Variants in GRM7 observed in about 807,000 individuals in gnomAD.
GRM7 encodes metabotropic glutamate receptor 7.
GRM7 carries 35 observed loss-of-function variants against 84.5 expected under a neutral mutation model. The ratio of observed to expected loss-of-function variants is 0.41; its 90% CI spans 0.32 to 0.55. The LOEUF (loss-of-function observed/expected upper bound fraction) is 0.55. GRM7 is among the 20% of genes least tolerant of loss of function. GRM7 has a pLI of 0.19. For synonymous variants in GRM7, 487 were observed against 455.1 expected, an observed-to-expected ratio of 1.07 and a Z score of -0.89; for missense variants, 1,003 against 1,194.6, an observed-to-expected ratio of 0.84 and a Z score of 2.36.
At chr3:6,996,269 C>T (rs76904369) in intron 1 of GRM7, among the ~76,000 whole-genome samples, 4,287 of 152,136 alleles carry the variant, frequency 0.028, 213 homozygotes, top group African/African-American at 0.097. Flanking sequence ...AGGATGATCT[C>T]GAGGCAGAGA....
At chr3:7,579,451 C>A in intron 8 of GRM7, 94 bp downstream of exon 8, 1 of 699,828 alleles carries the variant, frequency 1.4e-6, no homozygotes, top group South Asian at 2.1e-5. Context: ...TAAGAAGTTT[C>A]GTATATGCAG....
chr3:6,913,470 A>G (rs908957064), intron 1 of GRM7, among the ~76,000 whole-genome samples: 3 of 152,194 alleles, frequency 2.0e-5, no homozygotes, highest in Non-Finnish European at 4.4e-5. Context: ...GAACACTTGG[A>G]TGACAAGAAA....
At chr3:6,881,743 T>C (rs2124963810) in intron 1 of GRM7, among the ~76,000 whole-genome samples, 1 of 152,260 alleles carries the variant, frequency 6.6e-6, no homozygotes, top group African/African-American at 2.4e-5. Flanking sequence ...TCTTATAAAA[T>C]TTCTGGTAGC....
In GRM7 at chr3:7,593,413, C is replaced by T. The variant is rs574125776; in HGVS notation, c.2451+14056C>T. 1.9e-4 allele frequency among the ~76,000 whole-genome samples: 29 copies of T among 152,248 alleles called. No homozygotes were observed. In the South Asian group the frequency reaches 5.4e-3, roughly 28 times the overall value. On this transcript the variant is annotated intron_variant, in intron 8 of 9. Coordinates refer to ENST00000357716, the MANE Select transcript of GRM7 (RefSeq NM_000844.4). The stretch of plus-strand genomic sequence containing the variant: ...GATGGAAAGGGGAACAAGACAAATT[C>T]GTTGCCCTCATGGAAATCACATTCT...
intron 9 of GRM7, 52 bp downstream of exon 9, chr3:7,680,347 A>G (rs1700315507): frequency 6.3e-7 from 1 of 1,589,056 alleles, no homozygotes; most frequent in African/African-American, 1.3e-5. Context: ...AGGAAGCTCT[A>G]GAAGATGTGG....
intron 5 of GRM7, among the ~76,000 whole-genome samples, chr3:7,452,401 A>G (rs1575356790): frequency 6.6e-6 from 1 of 152,208 alleles, no homozygotes; most frequent in South Asian, 2.1e-4. Flanking sequence ...ACTACAAGCT[A>G]TTAGAGAAAC....
chr3:7,295,827 TG>T (rs139759346), intron 2 of GRM7, among the ~76,000 whole-genome samples: 5,306 of 150,846 alleles, frequency 0.035, 300 homozygotes, highest in African/African-American at 0.12. Flanking sequence ...AGCTTTTTTT[TG>T]GGGGGGGGAT....
intron 1 of GRM7, among the ~76,000 whole-genome samples, chr3:6,868,005 T>C (rs1411948617): frequency 6.6e-6 from 1 of 152,224 alleles, no homozygotes; most frequent in Non-Finnish European, 1.5e-5. Flanking sequence ...TGTCACATTT[T>C]ATGCAAACCG....
At chr3:6,878,378 C>CATGTGTGTGT (rs58886076) in intron 1 of GRM7, among the ~76,000 whole-genome samples, 1,573 of 142,052 alleles carry the variant, frequency 0.011, 22 homozygotes, top group African/African-American at 0.037. Flanking sequence ...TATGTGTTTG[C>CATGTGTGTGT]GTGTGTGTGT....
At chr3:7,498,321 GACAGTAATTTGGGTTGGGC>G (rs1349201009) in intron 7 of GRM7, among the ~76,000 whole-genome samples, 8 of 152,172 alleles carry the variant, frequency 5.3e-5, no homozygotes, top group African/African-American at 1.7e-4. Context: ...TAGAGTTGGG[GACAGTAATTTGGGTTGGGC>G]ACAGTAATTT....
At chr3:7,680,511 T>G in intron 9 of GRM7, 1 of 552,590 alleles carries the variant, frequency 1.8e-6, no homozygotes, top group Non-Finnish European at 3.2e-6. Flanking sequence ...TTGGAGGCTC[T>G]GCTTCAGAAG....
intron 2 of GRM7, among the ~76,000 whole-genome samples, chr3:7,273,525 A>G (rs1426154960): frequency 6.6e-6 from 1 of 152,050 alleles, no homozygotes; most frequent in African/African-American, 2.4e-5. Context: ...CCTCACATAG[A>G]TTGATACTCT....
chr3:7,034,103 G>A (rs1249957669), intron 1 of GRM7, among the ~76,000 whole-genome samples: 1 of 152,132 alleles, frequency 6.6e-6, no homozygotes, highest in Non-Finnish European at 1.5e-5. Flanking sequence ...ATAGAAATTG[G>A]TCAAGGGTAG....
intron 7 of GRM7, among the ~76,000 whole-genome samples, chr3:7,558,951 T>A (rs1324527925): frequency 6.6e-6 from 1 of 152,110 alleles, no homozygotes; most frequent in Admixed American, 6.6e-5. Context: ...ACCAGCAAAG[T>A]GGCTAATTTT....
At chr3:6,955,636 A>C (rs1265477578) in intron 1 of GRM7, among the ~76,000 whole-genome samples, 1 of 152,034 alleles carries the variant, frequency 6.6e-6, no homozygotes, top group Non-Finnish European at 1.5e-5. Context: ...TGAGGTCAGG[A>C]GTTTGAGACC....
intron 7 of GRM7, among the ~76,000 whole-genome samples, chr3:7,550,417 C>T (rs960889288): frequency 7.5e-6 from 1 of 133,952 alleles, no homozygotes; most frequent in Admixed American, 7.5e-5. Flanking sequence ...TCTCTCTCTC[C>T]CTCCCTCCCT....
intron 4 of GRM7, among the ~76,000 whole-genome samples, chr3:7,319,797 GAC>G (rs1265171998): frequency 6.6e-6 from 1 of 151,888 alleles, no homozygotes; most frequent in Non-Finnish European, 1.5e-5. Context: ...TTGATTTAAA[GAC>G]ACTTATTTTT....
chr3:7,104,915 A>G (rs1334868152), intron 1 of GRM7, among the ~76,000 whole-genome samples: 1 of 151,840 alleles, frequency 6.6e-6, no homozygotes, highest in African/African-American at 2.4e-5. Flanking sequence ...ATACAATATA[A>G]TACAAAATAT....
intron 4 of GRM7, among the ~76,000 whole-genome samples, chr3:7,347,144 T>C (rs1302185836): frequency 6.6e-6 from 1 of 152,108 alleles, no homozygotes; most frequent in African/African-American, 2.4e-5. Flanking sequence ...CGATAAAATG[T>C]CATCGCAGTT....
Sources: gnomAD v4.1 joint callset for allele counts (sites outside exome capture counted in the v4.1 genomes callset) on GRCh38, gnomAD v4.1.1 for gene constraint, MANE v1.5 for transcripts, NCBI Gene and HGNC (gene_info 2026-07-23, HGNC 2026-07-21) for gene names.